SHOC1: variants seen among roughly 807,000 people sequenced by gnomAD.
SHOC1 encodes shortage in chiasmata 1, also known as protein shortage in chiasmata 1 ortholog.
Under a neutral mutation model 179.2 loss-of-function variants are expected in SHOC1, and 136 were observed. The observed-to-expected ratio is 0.76, with a 90% confidence interval of 0.66 to 0.87. The LOEUF (loss-of-function observed/expected upper bound fraction) is 0.87, where lower values mean the gene tolerates loss of function less well. Among genes scored for constraint, SHOC1 ranks in the 40% least tolerant of loss-of-function variants. SHOC1 has a pLI of 0.00. For synonymous variants in SHOC1, 489 were observed against 586.6 expected, an observed-to-expected ratio of 0.83 and a Z score of 2.41; for missense variants, 1,538 against 1,700.8, an observed-to-expected ratio of 0.90 and a Z score of 1.68.
Position 111,691,700 on chromosome 9 carries a change from G to C in SHOC1, c.4277C>G (p.Pro1426Arg), listed in dbSNP as rs1340551249. Residue 1426 changes from proline to arginine, a missense_variant, in exon 27 of 28, where the codon CCC becomes CGC. Pro to Arg is a moderately radical substitution (Grantham distance 103). Coordinates refer to ENST00000682961, the MANE Select transcript of SHOC1 (RefSeq NM_001378211.1). Reference sequence around the variant, plus strand: ...AGAAGCACGAAATAAATCCAAACTGGGGACAGATGGTAATTCTCTCCAGAA... The same window carrying C: ...AGAAGCACGAAATAAATCCAAACTGCGGACAGATGGTAATTCTCTCCAGAA... ...ETFWRELPSV[P>R]SLDLFRASDS... 1 of 1,613,800 alleles carries C rather than the reference G, an allele frequency of 6.2e-7. No individual in the cohort carries two copies. The highest frequency in any genetic ancestry group is 8.5e-7 in the Non-Finnish European group (1 of 1,179,950).
chr9:111,768,931 A>G (rs908796920), intron 5 of SHOC1, among the ~76,000 whole-genome samples: 1 of 152,312 alleles, frequency 6.6e-6, no homozygotes, highest in South Asian at 2.1e-4. Context: ...TGTTCCTTCT[A>G]TACCTATTTT....
chr9:111,688,551 G>A (rs1831285434), intron 27 of SHOC1, among the ~76,000 whole-genome samples: 1 of 151,964 alleles, frequency 6.6e-6, no homozygotes, highest in South Asian at 2.1e-4. Context: ...CTATATCCTT[G>A]CCAAGTCAGA....
chr9:111,764,586 A>G lies in SHOC1; in HGVS notation c.443-5738T>C, dbSNP rs75614618. Among the ~76,000 whole-genome samples the G allele has an allele frequency of 5.6e-3, 856 of 152,308 alleles. 7 individuals carry two copies. The highest frequency in any genetic ancestry group is 0.02 in the African/African-American group (815 of 41,562). On this transcript the variant is annotated intron_variant, in intron 5 of 27. Transcript: ENST00000682961. ...TATAACTACATTGGGAGAGTAGACC[A>G]TAGGAAGTATGGGGGGAACGTGGTA...
At chr9:111,718,368 G>T in intron 15 of SHOC1, 80 bp from the exon 16 acceptor site, 1 of 851,742 alleles carries the variant, frequency 1.2e-6, no homozygotes, top group South Asian at 2.2e-5. Flanking sequence ...GCCTAATAAT[G>T]GGAGCTAACA....
chr9:111,740,809 T>G (rs1833999217), intron 11 of SHOC1, among the ~76,000 whole-genome samples: 1 of 152,242 alleles, frequency 6.6e-6, no homozygotes, highest in Non-Finnish European at 1.5e-5. Context: ...TGGCCTCAAA[T>G]GATCCGCCCG....
chr9:111,758,861 A>G lies in SHOC1; in HGVS notation c.443-13T>C, dbSNP rs1025302356. The G allele has an allele frequency of 7.2e-7, 1 of 1,388,352 alleles. No homozygotes were observed. The highest frequency in any genetic ancestry group is 1.5e-5 in the African/African-American group (1 of 67,886). 86.0% of individuals were successfully genotyped at this position (1,388,352 alleles called of 1,614,324 possible). On this transcript the variant is annotated splice_polypyrimidine_tract_variant and intron_variant, in intron 5 of 27. Transcript: ENST00000682961. ...TCAATAAATAAATCTGAAAAGAAAT[A>G]AGAAATATAAAGGAATAAGAAAAAA...
Position 111,775,832 on chromosome 9 carries a change from C to A in SHOC1, c.401G>T (p.Ser134Ile). The A allele has an allele frequency of 6.2e-7, 1 of 1,610,618 alleles. No individual in the cohort carries two copies. The highest frequency in any genetic ancestry group is 8.5e-7 in the Non-Finnish European group (1 of 1,179,184). ...AAGTGCTGAACATTTTTCTAAACAACTGACAGGGGTAAAGACTTCATTGTA... is the reference window on the plus strand; with the variant it reads ...AAGTGCTGAACATTTTTCTAAACAAATGACAGGGGTAAAGACTTCATTGTA... ...MDYNEVFTPV[S>I]CLEKCSALQN... The change falls in exon 5 of 28, where the codon AGT becomes ATT. Residue 134 changes from serine (S) to isoleucine (I), a missense_variant. Physicochemically the swap from Ser to Ile is moderately radical, Grantham distance 142 (BLOSUM62 -2). Transcript: ENST00000682961.
At position 111,756,330 on chromosome 9, in the gene SHOC1, T is replaced by C. The variant is rs745813921; in HGVS notation, c.857A>G (p.Glu286Gly). The C allele has an allele frequency of 1.3e-6, 2 of 1,591,600 alleles. No individual in the cohort carries two copies. Among genetic ancestry groups the C allele is most frequent in the Non-Finnish European group, 1.7e-6 (2 of 1,172,480 alleles). The change falls in exon 8 of 28, where the codon GAA becomes GGA. Residue 286 changes from glutamate to glycine, a missense_variant. Physicochemically the swap from Glu to Gly is moderately conservative, Grantham distance 98 (BLOSUM62 -2). Coordinates refer to ENST00000682961, the MANE Select transcript of SHOC1 (RefSeq NM_001378211.1). ...ATTTTACAATTAATTCTCACCTCTT[T>C]CAAAAAGCTTTTCCTTTTCATCTAC... ...NYVDEKEKLF[E>G]RDLTNKHGIE...
chr9:111,759,466 A>T lies in SHOC1; in HGVS notation c.443-618T>A, dbSNP rs1589450877. The stretch of plus-strand genomic sequence containing the variant: ...ACTACTGCTAACAGTTAATTTCTGG[A>T]ATAAATTTCTCCTCTCGGTCTCCAC... On this transcript the variant is annotated intron_variant, in intron 5 of 27. Transcript: ENST00000682961. The T allele has an allele frequency of 3.2e-6, 4 of 1,264,826 alleles. No homozygotes were observed. The East Asian group carries it at 1.2e-4, about 37-fold the overall frequency. The allele number at this position is 1,264,826 out of a possible 1,614,324, so 78.4% of individuals were successfully genotyped here.
In SHOC1 at chr9:111,706,645, C is replaced by T; in HGVS notation, c.2660G>A (p.Cys887Tyr). The T allele has an allele frequency of 2.5e-6, 4 of 1,609,102 alleles. No individual in the cohort carries two copies. The highest frequency in any genetic ancestry group is 3.4e-6 in the Non-Finnish European group (4 of 1,176,972). The change falls in exon 20 of 28, where the codon TGT becomes TAT. Residue 887 changes from cysteine to tyrosine, a missense_variant. Coordinates refer to ENST00000682961, the MANE Select transcript of SHOC1 (RefSeq NM_001378211.1). ...VVEYNYVEDS[C>Y]WTKHCKELNI... ...CAACTCTTTGCAGTGTTTAGTCCAA[C>T]AAGAGTCTTCCACATAATTGTATTC...
chr9:111,697,298 C>T (rs1465800988), intron 24 of SHOC1, among the ~76,000 whole-genome samples: 4 of 151,668 alleles, frequency 2.6e-5, no homozygotes, highest in Non-Finnish European at 4.4e-5. Context: ...CCCATTAACT[C>T]GTCATTTACA....
intron 5 of SHOC1, among the ~76,000 whole-genome samples, chr9:111,769,747 G>T (rs1287512413): frequency 1.3e-5 from 2 of 152,156 alleles, no homozygotes; most frequent in Non-Finnish European, 2.9e-5. Flanking sequence ...TAGGGCACAG[G>T]CATAAGCCAC....
chr9:111,787,263 A>G (rs1836293991), intron 2 of SHOC1, among the ~76,000 whole-genome samples: 3 of 152,226 alleles, frequency 2.0e-5, no homozygotes, highest in Admixed American at 2.0e-4. Flanking sequence ...ACATTTTGTA[A>G]GGATATAGCT....
intron 24 of SHOC1, among the ~76,000 whole-genome samples, chr9:111,696,763 T>C (rs1276539485): frequency 6.6e-6 from 1 of 152,240 alleles, no homozygotes; most frequent in East Asian, 1.9e-4. Flanking sequence ...ATATTTTGCC[T>C]GTAATGGTTT....
At chr9:111,747,840 C>T (rs1589437143) in intron 9 of SHOC1, among the ~76,000 whole-genome samples, 1 of 152,180 alleles carries the variant, frequency 6.6e-6, no homozygotes, top group South Asian at 2.1e-4. Context: ...CCACCTCAGC[C>T]TCCCAAAGTG....
Position 111,766,074 on chromosome 9 carries a change from C to A in SHOC1, c.443-7226G>T, listed in dbSNP as rs576860923. Among the ~76,000 whole-genome samples the A allele has an allele frequency of 5.9e-5, 9 of 152,264 alleles. No individual in the cohort carries two copies. In the East Asian group the frequency reaches 1.7e-3, roughly 29 times the overall value. ...CCCCCTTCCCTACTACCCTTCCCTG[C>A]CTCTGGTAATCACCATTCTACTCTC... On this transcript the variant is annotated intron_variant, in intron 5 of 27. Transcript: ENST00000682961.
intron 8 of SHOC1, among the ~76,000 whole-genome samples, chr9:111,752,078 T>C (rs1440517372): frequency 6.6e-6 from 1 of 152,180 alleles, no homozygotes; most frequent in Non-Finnish European, 1.5e-5. Context: ...GAATTTCCCA[T>C]TTTTACAGCT....
rs759510670 is a variant in SHOC1, at chr9:111,692,370, T to G, written c.3607A>C (p.Ile1203Leu). The change falls in exon 27 of 28, where the codon ATT (isoleucine) becomes CTT (leucine). Residue 1203 changes from isoleucine (I) to leucine (L), a missense_variant. Ile to Leu is a conservative substitution (Grantham distance 5). Transcript: ENST00000682961. ...QSSASDLDSV[I>L]QEHNEYYQYL... is the part of the protein sequence containing the mutation. ...TGATAATATTCATTATGTTCTTGAA[T>G]GACAGAGTCTAAATCAGAAGCTGAA... 6.2e-7 allele frequency: 1 copy of G among 1,613,452 alleles called. No individual in the cohort carries two copies. The highest frequency in any genetic ancestry group is 1.1e-5 in the South Asian group (1 of 91,058).
intron 5 of SHOC1, among the ~76,000 whole-genome samples, chr9:111,761,509 AAAAC>A (rs60251709): frequency 0.045 from 6,813 of 152,148 alleles, 506 homozygotes; most frequent in African/African-American, 0.15. Flanking sequence ...CTTAGAACAA[AAAAC>A]AAACAAACAA....
Sources: gnomAD v4.1 joint callset for allele counts (sites outside exome capture counted in the v4.1 genomes callset) on GRCh38, gnomAD v4.1.1 for gene constraint, MANE v1.5 for transcripts, NCBI Gene and HGNC (gene_info 2026-07-23, HGNC 2026-07-21) for gene names.